VPS13D: variants seen among roughly 807,000 people sequenced by gnomAD.
The protein encoded by VPS13D is intermembrane lipid transfer protein VPS13D.
In VPS13D, 187 loss-of-function variants were observed where a neutral mutation model predicts 461.9. That is an observed-to-expected ratio of 0.40 (90% CI 0.36 to 0.46). The LOEUF (loss-of-function observed/expected upper bound fraction) is 0.46, where lower values mean the gene tolerates loss of function less well. Ranked by LOEUF, VPS13D falls within the 20% of genes least tolerant of loss-of-function variation. The pLI is 0.60. For missense variants in VPS13D, 4,711 were observed against 5,364.9 expected, an observed-to-expected ratio of 0.88 and a Z score of 3.81; for synonymous variants, 1,951 against 1,986.3, an observed-to-expected ratio of 0.98 and a Z score of 0.47.
At chr1:12,478,858 C>T (rs1366492847) in intron 67 of VPS13D, 14 of 455,912 alleles carry the variant, frequency 3.1e-5, no homozygotes, top group African/African-American at 1.0e-4. Context: ...CCAAGGAGGC[C>T]GCATCGGTGG....
intron 65 of VPS13D, among the ~76,000 whole-genome samples, chr1:12,438,932 A>T (rs1250167778): frequency 6.6e-6 from 1 of 152,158 alleles, no homozygotes; most frequent in African/African-American, 2.4e-5. Context: ...GTCATGCCGC[A>T]TGTCCAGTCC....
At chr1:12,463,400 A>G (rs1207268324) in intron 67 of VPS13D, among the ~76,000 whole-genome samples, 2 of 152,200 alleles carry the variant, frequency 1.3e-5, no homozygotes, top group Admixed American at 6.5e-5. Context: ...CGTTTCACCA[A>G]TGTCCCTCAG....
At chr1:12,235,026 C>T (rs1640099879) in intron 2 of VPS13D, among the ~76,000 whole-genome samples, 1 of 152,172 alleles carries the variant, frequency 6.6e-6, no homozygotes, top group South Asian at 2.1e-4. Context: ...TGCATTTTCT[C>T]CCTTTCCTTG....
intron 67 of VPS13D, among the ~76,000 whole-genome samples, chr1:12,470,588 C>T (rs1645549980): frequency 6.6e-6 from 1 of 152,180 alleles, no homozygotes; most frequent in Admixed American, 6.5e-5. Context: ...GTCTTGAACT[C>T]CTACTATATT....
chr1:12,256,823 A>G (rs1569703463), intron 8 of VPS13D, among the ~76,000 whole-genome samples, 164 bp from the exon 9 acceptor site: 1 of 152,084 alleles, frequency 6.6e-6, no homozygotes, highest in African/African-American at 2.4e-5. Flanking sequence ...GTCAGGGTTC[A>G]GAGAAACATG....
At chr1:12,472,881 G>GCAGT (rs1645580852) in intron 67 of VPS13D, among the ~76,000 whole-genome samples, 1 of 152,174 alleles carries the variant, frequency 6.6e-6, no homozygotes, top group African/African-American at 2.4e-5. Context: ...ATCTGCTCAG[G>GCAGT]CAGTCTGTGG....
intron 34 of VPS13D, among the ~76,000 whole-genome samples, chr1:12,322,965 T>C (rs1643079725): frequency 6.6e-6 from 1 of 151,970 alleles, no homozygotes; most frequent in African/African-American, 2.4e-5. Flanking sequence ...TTTCAGTTTT[T>C]TCCAGAGTTA....
chr1:12,267,899 GACAGAA>G lies in VPS13D; in HGVS notation c.1781_1786del (p.Asp594_Ser596delinsGly). 6.2e-7 allele frequency: 1 copy of G among 1,614,060 alleles called. No homozygotes were observed. Among genetic ancestry groups the G allele is most frequent in the Non-Finnish European group, 8.5e-7 (1 of 1,179,936 alleles). On this transcript the variant is annotated inframe_deletion, in exon 15 of 70. Coordinates refer to ENST00000620676, the MANE Select transcript of VPS13D (RefSeq NM_015378.4). The stretch of plus-strand genomic sequence containing the variant: ...TTTTGGTCTACAAACTACATCTGCA[GACAGAA>G]GTGATCATTACCCAGGTAATTTGTC...
chr1:12,484,554 A>G (rs1440785529), intron 67 of VPS13D, among the ~76,000 whole-genome samples: 1 of 152,264 alleles, frequency 6.6e-6, no homozygotes, highest in Non-Finnish European at 1.5e-5. Flanking sequence ...TTTGCCAGGC[A>G]TAGCTTCCTC....
intron 57 of VPS13D, among the ~76,000 whole-genome samples, chr1:12,381,956 T>TTCTTTC (rs1644283713): frequency 1.4e-5 from 2 of 141,906 alleles, no homozygotes; most frequent in South Asian, 2.3e-4. Context: ...CTTTCTTTCT[T>TTCTTTC]TCTTTCTTTC....
intron 1 of VPS13D, among the ~76,000 whole-genome samples, chr1:12,232,105 A>C (rs1170284690): frequency 6.6e-6 from 1 of 152,202 alleles, no homozygotes; most frequent in Admixed American, 6.5e-5. Flanking sequence ...GCTAATAATT[A>C]GTTTTATGTA....
intron 40 of VPS13D, among the ~76,000 whole-genome samples, chr1:12,341,551 G>A (rs1399647673): frequency 6.6e-6 from 1 of 152,328 alleles, no homozygotes; most frequent in South Asian, 2.1e-4. Context: ...GATAAGGCCT[G>A]TAAGAGTTGT....
intron 67 of VPS13D, among the ~76,000 whole-genome samples, chr1:12,472,708 A>G (rs577008100): frequency 4.6e-5 from 7 of 152,308 alleles, no homozygotes; most frequent in African/African-American, 1.4e-4. Context: ...CAGAAGTCCT[A>G]TAATTTAGAC....
chr1:12,261,306 T>C lies in VPS13D; in HGVS notation c.1414+157T>C, dbSNP rs181635917. ...AGAAGTATTTTGGGAGATACTCCAT[T>C]TGTAACTCTGTGACTAAATGTGCGT... On this transcript the variant is annotated intron_variant, in intron 12 of 69. Coordinates refer to ENST00000620676, the MANE Select transcript of VPS13D (RefSeq NM_015378.4). 1.7e-3 allele frequency among the ~76,000 whole-genome samples: 264 copies of C among 152,368 alleles called. 1 individual carries two copies. Among genetic ancestry groups the C allele is most frequent in the Non-Finnish European group, 2.9e-3 (196 of 68,036 alleles).
chr1:12,431,745 A>G lies in VPS13D; in HGVS notation c.12333+14918A>G, dbSNP rs527562197. Among the ~76,000 whole-genome samples the G allele has an allele frequency of 2.3e-4, 35 of 152,138 alleles. 1 individual carries two copies. In the East Asian group the frequency reaches 6.8e-3, roughly 29 times the overall value. ...GTCTGTTCTGTGTCAAGGTCAACTT[A>G]CCGGAAGGGGCTGCAGGTAGTACAG... On this transcript the variant is annotated intron_variant, in intron 65 of 69. Coordinates refer to ENST00000620676, the MANE Select transcript of VPS13D (RefSeq NM_015378.4).
At chr1:12,440,700 A>G (rs923661232) in intron 65 of VPS13D, among the ~76,000 whole-genome samples, 1 of 151,970 alleles carries the variant, frequency 6.6e-6, no homozygotes, top group African/African-American at 2.4e-5. Context: ...GCATGGCAAA[A>G]CCTCATCTCT....
intron 65 of VPS13D, among the ~76,000 whole-genome samples, chr1:12,423,729 CTCAGCCAGCCCCTGCCA>C (rs1236692905): frequency 1.3e-5 from 2 of 152,300 alleles, no homozygotes; most frequent in African/African-American, 4.8e-5. Context: ...CACAGAGACT[CTCAGCCAGCCCCTGCCA>C]TCAGCCAGCC....
chr1:12,361,930 CT>C lies in VPS13D; in HGVS notation c.10142-789del, dbSNP rs565818176. ...CTAGAGTGTAATGGTGCAATCTTGG[CT>C]CATTGCAACCTCTGCCTCCCAAGTT... On this transcript the variant is annotated intron_variant, in intron 50 of 69. Coordinates refer to ENST00000620676, the MANE Select transcript of VPS13D (RefSeq NM_015378.4). Among the ~76,000 whole-genome samples the C allele has an allele frequency of 7.9e-5, 12 of 152,316 alleles. No individual in the cohort carries two copies. In the South Asian group the frequency reaches 2.5e-3, roughly 32 times the overall value.
chr1:12,327,874 T>C lies in VPS13D; in HGVS notation c.8197+20T>C. The C allele has an allele frequency of 6.2e-7, 1 of 1,611,644 alleles. No homozygotes were observed. The highest frequency in any genetic ancestry group is 2.2e-5 in the East Asian group (1 of 44,840). ...TTTCCCGTGAGTGTTGTACTGGTTT[T>C]CAGATTCATCTTGAATATTTCCAGT... On this transcript the variant is annotated intron_variant, in intron 36 of 69. Transcript: ENST00000620676.
Sources: gnomAD v4.1 joint callset for allele counts (sites outside exome capture counted in the v4.1 genomes callset) on GRCh38, gnomAD v4.1.1 for gene constraint, MANE v1.5 for transcripts, NCBI Gene and HGNC (gene_info 2026-07-23, HGNC 2026-07-21) for gene names.